The following MCTP1 variants were observed in gnomAD, a reference collection of about 807,000 sequenced individuals.
MCTP1 encodes multiple C2 and transmembrane domain containing 1.
MCTP1 carries 69 observed loss-of-function variants against 120.6 expected under a neutral mutation model. That is an observed-to-expected ratio of 0.57 (90% CI 0.47 to 0.70). The LOEUF is 0.70. Ranked by LOEUF, MCTP1 falls within the 30% of genes least tolerant of loss-of-function variation. MCTP1 has a pLI of 0.00. For synonymous variants in MCTP1, 529 were observed against 493.1 expected, an observed-to-expected ratio of 1.07 and a Z score of -0.96; for missense variants, 1,203 against 1,248.8, an observed-to-expected ratio of 0.96 and a Z score of 0.55.
intron 6 of MCTP1, among the ~76,000 whole-genome samples, chr5:94,929,901 T>C (rs568636327): frequency 6.6e-6 from 1 of 152,310 alleles, no homozygotes; most frequent in South Asian, 2.1e-4. Context: ...TTTACTTCAC[T>C]TAGTATTCAA....
rs150590099 is a variant in MCTP1 at position 94,909,306 on chromosome 5, T to C, written c.1597A>G (p.Ile533Val). 6.2e-7 allele frequency: 1 copy of C among 1,610,208 alleles called. No individual in the cohort carries two copies. The highest frequency in any genetic ancestry group is 1.3e-5 in the African/African-American group (1 of 74,718). Reference sequence around the variant, plus strand: ...TCTTTGTCCCATGCAGTGATATCAATGACTCCTCCTCTTTCTTCATAAAGG... The same window carrying C: ...TCTTTGTCCCATGCAGTGATATCAACGACTCCTCCTCTTTCTTCATAAAGG... ...FHLYEERGGV[I>V]DITAWDKDAG... Residue 533 changes from isoleucine (I) to valine (V), a missense_variant, in exon 10 of 23, where the codon ATT (isoleucine) becomes GTT (valine). This residue lies in a region of MCTP1 where 740 missense variants were observed against 871.1 expected (regional missense o/e 0.85). Transcript: ENST00000515393.
intron 1 of MCTP1, among the ~76,000 whole-genome samples, chr5:95,061,414 T>TG (rs1562094985): frequency 8.2e-5 from 1 of 12,184 alleles, no homozygotes; most frequent in East Asian, 2.5e-3. Context: ...AAGGGTTTTT[T>TG]TTTTTTTTTT....
At chr5:94,803,334 T>A (rs1781586978) in intron 17 of MCTP1, among the ~76,000 whole-genome samples, 1 of 152,214 alleles carries the variant, frequency 6.6e-6, no homozygotes, top group Non-Finnish European at 1.5e-5. Flanking sequence ...AAGCTCTCTA[T>A]CAACTGGCTT....
At chr5:94,933,583 C>A (rs1265605861) in intron 5 of MCTP1, among the ~76,000 whole-genome samples, 1 of 151,796 alleles carries the variant, frequency 6.6e-6, no homozygotes, top group Non-Finnish European at 1.5e-5. Flanking sequence ...TGAGTCAAAT[C>A]AATCAAGAAC....
At chr5:94,841,332 T>C (rs529570138) in intron 17 of MCTP1, among the ~76,000 whole-genome samples, 7 of 152,336 alleles carry the variant, frequency 4.6e-5, no homozygotes, top group Admixed American at 2.6e-4. Flanking sequence ...ATCATGAAGA[T>C]TGGCATTTCG....
chr5:94,777,728 AT>A (rs1222045640), intron 19 of MCTP1, among the ~76,000 whole-genome samples: 2 of 152,174 alleles, frequency 1.3e-5, no homozygotes, highest in Non-Finnish European at 2.9e-5. Flanking sequence ...AATAAATCAT[AT>A]CATTTATTGC....
intron 1 of MCTP1, among the ~76,000 whole-genome samples, chr5:95,076,279 G>A (rs902799469): frequency 6.6e-6 from 1 of 152,030 alleles, no homozygotes; most frequent in African/African-American, 2.4e-5. Flanking sequence ...TGTAGATAAA[G>A]GGGTAATGAC....
At chr5:94,827,544 A>G (rs2153137096) in intron 17 of MCTP1, among the ~76,000 whole-genome samples, 1 of 151,892 alleles carries the variant, frequency 6.6e-6, no homozygotes, top group African/African-American at 2.4e-5. Context: ...AGTTCTCCCA[A>G]TATCCCGAAG....
chr5:95,045,502 T>C (rs1197641136), intron 1 of MCTP1, among the ~76,000 whole-genome samples: 1 of 152,126 alleles, frequency 6.6e-6, no homozygotes, highest in Non-Finnish European at 1.5e-5. Context: ...CTAGAGTCGA[T>C]GAAAGCTAGA....
chr5:95,133,410 G>A (rs979512876), intron 1 of MCTP1, among the ~76,000 whole-genome samples: 1 of 152,314 alleles, frequency 6.6e-6, no homozygotes, highest in South Asian at 2.1e-4. Context: ...AGTGGCTCAT[G>A]CCTGTAATCC....
At chr5:95,207,545 G>C (rs918628529) in intron 1 of MCTP1, among the ~76,000 whole-genome samples, 2 of 152,164 alleles carry the variant, frequency 1.3e-5, no homozygotes, top group African/African-American at 4.8e-5. Flanking sequence ...GGTCAGAGGA[G>C]AGTAAATCTG....
chr5:94,915,821 T>C (rs1809911812), intron 8 of MCTP1, among the ~76,000 whole-genome samples: 1 of 152,086 alleles, frequency 6.6e-6, no homozygotes, highest in African/African-American at 2.4e-5. Flanking sequence ...CCTTTATGCT[T>C]TCACAGAAAT....
intron 19 of MCTP1, among the ~76,000 whole-genome samples, chr5:94,743,830 G>C (rs1307396329): frequency 2.0e-5 from 3 of 151,078 alleles, no homozygotes; most frequent in Non-Finnish European, 4.4e-5. Flanking sequence ...TAGTAGAGAC[G>C]GGGTTTCACC....
chr5:95,271,602 C>T (rs1222613106), intron 1 of MCTP1, among the ~76,000 whole-genome samples: 1 of 152,048 alleles, frequency 6.6e-6, no homozygotes, highest in Non-Finnish European at 1.5e-5. Flanking sequence ...ATTGTGACAT[C>T]TGGGGTTGAA....
intron 1 of MCTP1, among the ~76,000 whole-genome samples, chr5:95,241,551 G>A (rs1756164210): frequency 6.6e-6 from 1 of 152,074 alleles, no homozygotes; most frequent in Non-Finnish European, 1.5e-5. Context: ...TATTTTAGTG[G>A]GGGAAAGCAT....
chr5:94,719,001 G>A (rs180941381), intron 19 of MCTP1, among the ~76,000 whole-genome samples: 81 of 152,218 alleles, frequency 5.3e-4, no homozygotes, highest in African/African-American at 1.8e-3. Context: ...GATTATAGGC[G>A]TGAGCCACTG....
intron 17 of MCTP1, among the ~76,000 whole-genome samples, chr5:94,845,531 ATTTTTT>A (rs59042882): frequency 1.4e-4 from 21 of 151,750 alleles, no homozygotes; most frequent in Non-Finnish European, 1.5e-4. Flanking sequence ...GGACATGAAC[ATTTTTT>A]TTTGTTTTTT....
chr5:94,997,336 T>C (rs1021388916), intron 2 of MCTP1, among the ~76,000 whole-genome samples: 2 of 152,160 alleles, frequency 1.3e-5, no homozygotes, highest in Admixed American at 6.6e-5. Context: ...CAATTTTTCT[T>C]AAACCCCTTT....
At chr5:95,007,239 G>A (rs1293837274) in intron 2 of MCTP1, among the ~76,000 whole-genome samples, 1 of 152,056 alleles carries the variant, frequency 6.6e-6, no homozygotes, top group Non-Finnish European at 1.5e-5. Flanking sequence ...TCCCTCCCGC[G>A]ACACAGGATT....
Sources: allele counts gnomAD v4.1 joint callset (sites outside exome capture counted in the v4.1 genomes callset), GRCh38; gene constraint gnomAD v4.1.1; regional missense constraint gnomAD v4.1.1; transcripts MANE v1.5; gene names NCBI Gene and HGNC (gene_info 2026-07-23, HGNC 2026-07-21).